AGRN: variants seen among roughly 807,000 people sequenced by gnomAD.
AGRN encodes agrin proteoglycan.
A neutral mutation model predicts 211.0 loss-of-function variants in AGRN; 106 were observed. The observed-to-expected ratio is 0.50, with a 90% confidence interval of 0.43 to 0.59. AGRN has a LOEUF of 0.59. Ranked by LOEUF, AGRN falls within the 20% of genes least tolerant of loss-of-function variation. The pLI, the probability that AGRN is intolerant of heterozygous loss-of-function variation, is 0.00. For synonymous variants in AGRN, 1,525 were observed against 1,332.5 expected, an observed-to-expected ratio of 1.14 and a Z score of -3.15; for missense variants, 3,040 against 2,982.6, an observed-to-expected ratio of 1.02 and a Z score of -0.45.
chr1:1,031,276 G>C lies in AGRN; in HGVS notation c.464-4001G>C, dbSNP rs1004362948. On this transcript the variant is annotated intron_variant, in intron 2 of 35. Transcript: ENST00000379370. The surrounding 1 kb of genome is among the most constrained non-coding windows in gnomAD (Gnocchi z 4.8). ...GTGCAGTGCATGGTGCTGAGTGTGA[G>C]ATCAGCATGTGTGTGTATGTGTGTG... is the stretch of plus-strand genomic sequence containing the variant. Among the ~76,000 whole-genome samples the C allele has an allele frequency of 6.6e-6, 1 of 151,064 alleles. No individual in the cohort carries two copies. Among genetic ancestry groups the C allele is most frequent in the Non-Finnish European group, 1.5e-5 (1 of 67,692 alleles).
intron 3 of AGRN, among the ~76,000 whole-genome samples, chr1:1,037,997 G>A (rs2465129): frequency 0.88 from 134,006 of 152,022 alleles, 59,607 homozygotes; most frequent in East Asian, 1. Context: ...ACCTAAGCCC[G>A]CAGTGTGAGC....
In AGRN at chr1:1,041,385, G is replaced by A. The variant is rs756357739; in HGVS notation, c.940G>A (p.Asp314Asn). 2 of 1,541,964 alleles carry A rather than the reference G, an allele frequency of 1.3e-6. No homozygotes were observed. Among genetic ancestry groups the A allele is most frequent in the Non-Finnish European group, 8.7e-7 (1 of 1,150,602 alleles). ...CCAGGAGAATGTCTTCAAGAAGTTC[G>A]ACGGCCCTTGTGGTGAGCGCGGCGG... The part of the protein sequence containing the change: ...ARQENVFKKF[D>N]GPCDPCQGAL... The change falls in exon 5 of 36, where the codon GAC becomes AAC. Residue 314 changes from aspartate (D) to asparagine (N), a missense_variant. Around this residue, in one of 3 missense-constraint regions of AGRN, gnomAD observed 1,498 missense variants for 1,457.8 expected, o/e 1.03. Coordinates refer to ENST00000379370, the MANE Select transcript of AGRN (RefSeq NM_198576.4).
At position 1,055,195 on chromosome 1, in the gene AGRN, G is replaced by A; in HGVS notation, c.*214G>A. On this transcript the variant is annotated 3_prime_UTR_variant, in exon 36 of 36. Transcript: ENST00000379370. Reference sequence around the variant, plus strand: ...GGCTCGGCGTGGATGGCAGCCTCAGGACACACACCCCTGCCTCAAGGTGCT... The same window carrying A: ...GGCTCGGCGTGGATGGCAGCCTCAGAACACACACCCCTGCCTCAAGGTGCT... 1.4e-6 allele frequency: 1 copy of A among 728,364 alleles called. No individual in the cohort carries two copies. Among genetic ancestry groups the A allele is most frequent in the Non-Finnish European group, 2.3e-6 (1 of 437,988 alleles). The allele number at this position is 728,364 out of a possible 1,614,324, so 45.1% of individuals were successfully genotyped here.
chr1:1,050,248 G>A lies in AGRN; in HGVS notation c.4895G>A (p.Gly1632Asp). Residue 1632 changes from glycine (G) to aspartate (D), a missense_variant, in exon 28 of 36, where the codon GGC (glycine) becomes GAC (aspartate). Transcript: ENST00000379370. ...CTCCCTACAGCCTCGGGGCAGGACG[G>A]CTCTGGGCCCTTCCTGGCTGACTTC... ...TFCQTASGQD[G>D]SGPFLADFNG... 1.2e-6 allele frequency: 2 copies of A among 1,613,140 alleles called. No homozygotes were observed. The highest frequency in any genetic ancestry group is 1.7e-6 in the Non-Finnish European group (2 of 1,179,944).
chr1:1,028,330 C>T lies in AGRN; in HGVS notation c.463+5868C>T, dbSNP rs924947548. Reference sequence around the variant, plus strand: ...CTCCCGTGGGGAAACGCCCCCCCCCCCCCCCCGCCCTGCACCTGGCTGGCG... The same window carrying T: ...CTCCCGTGGGGAAACGCCCCCCCCCTCCCCCCGCCCTGCACCTGGCTGGCG... On this transcript the variant is annotated intron_variant, in intron 2 of 35. Coordinates refer to ENST00000379370, the MANE Select transcript of AGRN (RefSeq NM_198576.4). Among the ~76,000 whole-genome samples, 7 of 141,732 alleles carry T rather than the reference C, an allele frequency of 4.9e-5. 1 individual carries two copies. The highest frequency in any genetic ancestry group is 3.6e-3 in the Middle Eastern group (1 of 274). The allele number at this position is 141,732 out of a possible 152,430, so 93.0% of individuals were successfully genotyped here.
intron 1 of AGRN, among the ~76,000 whole-genome samples, chr1:1,021,751 G>A (rs945421755): frequency 6.6e-6 from 1 of 152,254 alleles, no homozygotes; most frequent in Non-Finnish European, 1.5e-5. Context: ...AGGAAGGGGC[G>A]TCTCAGCCCA....
chr1:1,023,548 C>T (rs2100567595), intron 2 of AGRN, among the ~76,000 whole-genome samples: 1 of 152,188 alleles, frequency 6.6e-6, no homozygotes, highest in South Asian at 2.1e-4. Flanking sequence ...AAGATGGGGG[C>T]ATCGTGGACT....
At chr1:1,023,331 T>C (rs1644452305) in intron 2 of AGRN, among the ~76,000 whole-genome samples, 1 of 152,158 alleles carries the variant, frequency 6.6e-6, no homozygotes, top group South Asian at 2.1e-4. Context: ...TCTTGCCTTC[T>C]CTGTGCATGC....
chr1:1,050,782 G>A lies in AGRN; in HGVS notation c.5198G>A (p.Gly1733Asp). The change falls in exon 30 of 36, where the codon GGC becomes GAC. Residue 1733 changes from glycine (G) to aspartate (D), a missense_variant. Physicochemically the swap from Gly to Asp is moderately conservative, Grantham distance 94 (BLOSUM62 -1). Coordinates refer to ENST00000379370, the MANE Select transcript of AGRN (RefSeq NM_198576.4). ...AWTRVSLERN[G>D]RKGALRVGDG... The stretch of plus-strand genomic sequence containing the variant: ...ACCAGGGTCTCACTGGAGCGAAACG[G>A]CCGCAAGGGTGCCCTGCGTGTGGGC... 2 of 1,602,034 alleles carry A rather than the reference G, an allele frequency of 1.2e-6. No homozygotes were observed.
chr1:1,054,337 G>A, intron 34 of AGRN, 111 bp from the exon 35 acceptor site: 1 of 1,035,408 alleles, frequency 9.7e-7, no homozygotes, highest in Non-Finnish European at 1.4e-6. Context: ...TACCTCGGGG[G>A]TTCTCCAGGC....
At chr1:1,042,186 A>G (rs1309741720) in intron 7 of AGRN, 24 bp downstream of exon 7, 2 of 1,580,286 alleles carry the variant, frequency 1.3e-6, no homozygotes, top group Non-Finnish European at 8.6e-7. Context: ...GGTGGAGGCC[A>G]GGCGGGGTGG....
rs976993863 is a variant in AGRN at position 1,043,304 on chromosome 1, G to A, written c.1450G>A (p.Gly484Arg). Reference sequence around the variant, plus strand: ...TGGGGCGACGTGTGCTGTGAAGAACGGGCAGGCAGCGTGTGAATGCCTGCA... The same window carrying A: ...TGGGGCGACGTGTGCTGTGAAGAACAGGCAGGCAGCGTGTGAATGCCTGCA... ...AFGATCAVKN[G>R]QAACECLQAC... Residue 484 changes from glycine (G) to arginine (R), a missense_variant, in exon 8 of 36, where the codon GGG becomes AGG. Around this residue, in one of 3 missense-constraint regions of AGRN, gnomAD observed 1,498 missense variants for 1,457.8 expected, o/e 1.03. Transcript: ENST00000379370. 8.7e-6 allele frequency: 14 copies of A among 1,611,416 alleles called. No homozygotes were observed. The highest frequency in any genetic ancestry group is 2.7e-5 in the African/African-American group (2 of 74,890).
intron 2 of AGRN, among the ~76,000 whole-genome samples, chr1:1,030,952 CTG>C (rs200637417): frequency 3.4e-5 from 3 of 87,956 alleles, no homozygotes; most frequent in Non-Finnish European, 2.2e-5. Context: ...GTGCATGGTG[CTG>C]TGTGAGATCA....
chr1:1,046,830 C>A lies in AGRN; in HGVS notation c.3261C>A (p.Pro1087=). The A allele has an allele frequency of 6.3e-7, 1 of 1,585,116 alleles. No individual in the cohort carries two copies. The part of the protein sequence containing the change: ...ASGGGSGGLE[P]LEGSSVATPG... ...AGCGCGTCTCCCCAGGGCTCGAGCC[C>A]TTGGAGGGCAGCAGCGTGGCCACCC... The change falls in exon 19 of 36, where the codon CCC becomes CCA. Residue 1087 remains proline, a synonymous_variant. Transcript: ENST00000379370.
chr1:1,041,945 CT>C lies in AGRN; in HGVS notation c.1178-10del. Reference sequence around the variant, plus strand: ...CAGCCTCTCCGTGACTCCCTCACCCCTGCGTCCTAGACCAGTGCCCGGAGCC... The same window carrying C: ...CAGCCTCTCCGTGACTCCCTCACCCCGCGTCCTAGACCAGTGCCCGGAGCC... On this transcript the variant is annotated splice_polypyrimidine_tract_variant and intron_variant, in intron 6 of 35. Coordinates refer to ENST00000379370, the MANE Select transcript of AGRN (RefSeq NM_198576.4). 1.2e-6 allele frequency: 2 copies of C among 1,611,396 alleles called. No individual in the cohort carries two copies. Among genetic ancestry groups the C allele is most frequent in the Non-Finnish European group, 1.7e-6 (2 of 1,179,468 alleles).
chr1:1,024,779 G>T (rs1486204605), intron 2 of AGRN, among the ~76,000 whole-genome samples: 1 of 151,906 alleles, frequency 6.6e-6, no homozygotes, highest in East Asian at 1.9e-4. Context: ...CCTCAGAAAG[G>T]CTCCTCCCCC....
chr1:1,043,428 A>G lies in AGRN; in HGVS notation c.1574A>G (p.Glu525Gly). Residue 525 changes from glutamate to glycine, a missense_variant, in exon 8 of 36, where the codon GAG becomes GGG. Physicochemically the swap from Glu to Gly is moderately conservative, Grantham distance 98 (BLOSUM62 -2). Transcript: ENST00000379370. ...LEATACTLGR[E>G]IQVARKGPCD... ...GCCACGGCCTGTACCCTCGGGCGGGAGATCCAGGTGGCGCGCAAAGGACCC... is the reference window on the plus strand; with the variant it reads ...GCCACGGCCTGTACCCTCGGGCGGGGGATCCAGGTGGCGCGCAAAGGACCC... The G allele has an allele frequency of 6.2e-7, 1 of 1,607,382 alleles. No individual in the cohort carries two copies. The highest frequency in any genetic ancestry group is 1.1e-5 in the South Asian group (1 of 90,686).
rs1057329193 is a variant in AGRN at position 1,032,880 on chromosome 1, G to T, written c.464-2397G>T. Among the ~76,000 whole-genome samples the T allele has an allele frequency of 1.3e-5, 2 of 152,074 alleles. No individual in the cohort carries two copies. The highest frequency in any genetic ancestry group is 6.5e-5 in the Admixed American group (1 of 15,278). Reference sequence around the variant, plus strand: ...AGAGATTCTGGCCTCCAGGGTGGTCGGGCCTGGCATGGACTCTAGGGGATG... The same window carrying T: ...AGAGATTCTGGCCTCCAGGGTGGTCTGGCCTGGCATGGACTCTAGGGGATG... On this transcript the variant is annotated intron_variant, in intron 2 of 35. Transcript: ENST00000379370. The surrounding 1 kb of genome is among the most constrained non-coding windows in gnomAD (Gnocchi z 4.7).
In AGRN at chr1:1,045,289, A is replaced by G. The variant is rs375177822; in HGVS notation, c.2371+12A>G. On this transcript the variant is annotated intron_variant, in intron 13 of 35. Transcript: ENST00000379370. Reference sequence around the variant, plus strand: ...GGCTGGCTGCCCCAGTGAGTACCTGAGCTCAGCCCCGACCCCGGGCCTGGT... The same window carrying G: ...GGCTGGCTGCCCCAGTGAGTACCTGGGCTCAGCCCCGACCCCGGGCCTGGT... 13 of 1,611,764 alleles carry G rather than the reference A, an allele frequency of 8.1e-6. No individual in the cohort carries two copies. In the African/African-American group the frequency reaches 1.7e-4, roughly 22 times the overall value.
Sources: gnomAD v4.1 joint callset for allele counts (sites outside exome capture counted in the v4.1 genomes callset) on GRCh38, gnomAD v4.1.1 for gene constraint, gnomAD v4.1.1 regional missense constraint, Gnocchi (gnomAD v3.1) non-coding constraint, MANE v1.5 for transcripts, NCBI Gene and HGNC (gene_info 2026-07-23, HGNC 2026-07-21) for gene names.